DCC: variants seen among roughly 807,000 people sequenced by gnomAD.
DCC encodes the protein DCC netrin 1 receptor.
Under a neutral mutation model 172.5 loss-of-function variants are expected in DCC, and 58 were observed. That is an observed-to-expected ratio of 0.34 (90% CI 0.27 to 0.42). DCC has a LOEUF of 0.42. DCC is among the 10% of genes least tolerant of loss of function. The pLI, the probability that DCC is intolerant of heterozygous loss-of-function variation, is 1.00. For missense variants in DCC, 1,740 were observed against 1,791.0 expected, an observed-to-expected ratio of 0.97 and a Z score of 0.51; for synonymous variants, 709 against 644.5, an observed-to-expected ratio of 1.10 and a Z score of -1.52.
chr18:52,771,871 GAA>G (rs55924643), intron 2 of DCC, among the ~76,000 whole-genome samples: 1 of 131,006 alleles, frequency 7.6e-6, no homozygotes, highest in African/African-American at 3.2e-5. Flanking sequence ...AGAAACTTGT[GAA>G]AAAAAAAAAA....
intron 5 of DCC, among the ~76,000 whole-genome samples, chr18:53,039,761 G>A (rs1034427162): frequency 6.6e-6 from 1 of 151,904 alleles, no homozygotes; most frequent in Non-Finnish European, 1.5e-5. Context: ...AATCACAAGG[G>A]ATATAAAAAC....
At chr18:53,033,452 T>C (rs1433531246) in intron 5 of DCC, among the ~76,000 whole-genome samples, 1 of 152,196 alleles carries the variant, frequency 6.6e-6, no homozygotes, top group Non-Finnish European at 1.5e-5. Context: ...TTGCTCTCAA[T>C]TGATGACTTT....
At position 53,469,435 on chromosome 18, in the gene DCC, T is replaced by C. The variant is rs144467423; in HGVS notation, c.3736+1425T>C. On this transcript the variant is annotated intron_variant, in intron 25 of 28. Transcript: ENST00000442544. ...CACTTTATAAGATGAATGTCTTATA[T>C]GTATTCTTACTTTTCAGATTTCAGT... 5.0e-3 allele frequency among the ~76,000 whole-genome samples: 756 copies of C among 152,348 alleles called. 3 individuals are homozygous for C. Among genetic ancestry groups the C allele is most frequent in the Admixed American group, 8.4e-3 (128 of 15,294 alleles).
intron 18 of DCC, among the ~76,000 whole-genome samples, chr18:53,399,446 A>G (rs1909164331): frequency 6.6e-6 from 1 of 152,150 alleles, no homozygotes; most frequent in Non-Finnish European, 1.5e-5. Flanking sequence ...AAGAGAAAAA[A>G]CAAGTCCTCC....
chr18:52,348,117 C>T (rs1483714442), intron 1 of DCC, among the ~76,000 whole-genome samples: 2 of 152,044 alleles, frequency 1.3e-5, no homozygotes, highest in Admixed American at 6.6e-5. Context: ...TTTTGCTGAA[C>T]GTTAAGTATC....
chr18:52,443,319 C>T (rs1988025572), intron 1 of DCC, among the ~76,000 whole-genome samples: 1 of 152,158 alleles, frequency 6.6e-6, no homozygotes, highest in African/African-American at 2.4e-5. Flanking sequence ...CCCCTAAGCA[C>T]TAAGCTCTGC....
At chr18:52,361,104 A>G (rs999044502) in intron 1 of DCC, among the ~76,000 whole-genome samples, 4 of 152,220 alleles carry the variant, frequency 2.6e-5, no homozygotes, top group Admixed American at 1.3e-4. Flanking sequence ...GTTGAGACAA[A>G]AACCTGGCCT....
At chr18:53,207,617 T>A in intron 10 of DCC, 62 bp from the exon 11 acceptor site, 1 of 1,453,430 alleles carries the variant, frequency 6.9e-7, no homozygotes. Context: ...TTGCACAGAA[T>A]GAGTGCCATT....
chr18:53,248,331 C>T (rs527846494), intron 12 of DCC, among the ~76,000 whole-genome samples: 2 of 152,064 alleles, frequency 1.3e-5, no homozygotes, highest in East Asian at 1.9e-4. Context: ...TGATTACCCC[C>T]AGAATGGTCC....
intron 22 of DCC, among the ~76,000 whole-genome samples, chr18:53,435,938 G>A (rs186113621): frequency 1.3e-5 from 2 of 152,108 alleles, no homozygotes; most frequent in Non-Finnish European, 2.9e-5. Context: ...CATGTTATAA[G>A]TTTCTTTTTC....
chr18:53,072,604 T>A (rs1013948200), intron 7 of DCC, among the ~76,000 whole-genome samples: 19 of 152,306 alleles, frequency 1.2e-4, no homozygotes, highest in African/African-American at 4.3e-4. Context: ...GTGGCATAAA[T>A]GCGTGAAGAC....
Position 53,138,601 on chromosome 18 carries a change from T to C in DCC, c.1262-18755T>C, listed in dbSNP as rs372773303. ...TTAGCATCTGTGATTCATACAGTGG[T>C]AGCTTTCTTAATTTTATCATGTACA... On this transcript the variant is annotated intron_variant, in intron 7 of 28. Transcript: ENST00000442544. Among the ~76,000 whole-genome samples the C allele has an allele frequency of 7.9e-5, 12 of 152,220 alleles. 1 individual carries two copies. Among genetic ancestry groups the C allele is most frequent in the African/African-American group, 2.4e-4 (10 of 41,458 alleles).
At chr18:52,806,338 C>T (rs751147397) in intron 2 of DCC, among the ~76,000 whole-genome samples, 1 of 152,284 alleles carries the variant, frequency 6.6e-6, no homozygotes, top group South Asian at 2.1e-4. Context: ...ATCATTATCA[C>T]CCACATTCCA....
intron 5 of DCC, among the ~76,000 whole-genome samples, chr18:52,929,221 A>C (rs2040265076): frequency 6.6e-6 from 1 of 152,144 alleles, no homozygotes; most frequent in Non-Finnish European, 1.5e-5. Context: ...ATTTTAGCAC[A>C]GAAAGATAAG....
chr18:53,014,287 T>A (rs1006858645), intron 5 of DCC, among the ~76,000 whole-genome samples: 2 of 150,722 alleles, frequency 1.3e-5, no homozygotes, highest in Non-Finnish European at 3.0e-5. Flanking sequence ...TGGATAATTA[T>A]TTTTTTTATT....
chr18:52,573,039 C>T (rs1016307520), intron 1 of DCC, among the ~76,000 whole-genome samples: 3 of 152,026 alleles, frequency 2.0e-5, no homozygotes, highest in South Asian at 2.1e-4. Context: ...GAACAGAAAC[C>T]GTATGTAATG....
At chr18:52,573,940 C>A (rs1042617440) in intron 1 of DCC, among the ~76,000 whole-genome samples, 1 of 152,142 alleles carries the variant, frequency 6.6e-6, no homozygotes, top group African/African-American at 2.4e-5. Flanking sequence ...ACATGCTCTG[C>A]CTATTTTCCT....
chr18:53,356,677 G>T (rs2057881857), intron 15 of DCC, among the ~76,000 whole-genome samples: 1 of 152,098 alleles, frequency 6.6e-6, no homozygotes, highest in South Asian at 2.1e-4. Context: ...GCCTTGGGAA[G>T]TGTCCTCATA....
chr18:53,021,553 C>CGT (rs1555697061), intron 5 of DCC, among the ~76,000 whole-genome samples: 38 of 151,294 alleles, frequency 2.5e-4, no homozygotes, highest in Admixed American at 1.2e-3. Context: ...TATAAACTTA[C>CGT]GTGTGTGTGT....
Sources: gnomAD v4.1 joint callset for allele counts (sites outside exome capture counted in the v4.1 genomes callset) on GRCh38, gnomAD v4.1.1 for gene constraint, MANE v1.5 for transcripts, NCBI Gene and HGNC (gene_info 2026-07-23, HGNC 2026-07-21) for gene names.